ITGAV: variants seen among roughly 807,000 people sequenced by gnomAD.
ITGAV encodes integrin subunit alpha V, also known as integrin alpha-V.
A neutral mutation model predicts 143.8 loss-of-function variants in ITGAV; 76 were observed. That is an observed-to-expected ratio of 0.53 (90% CI 0.44 to 0.64). ITGAV has a LOEUF of 0.64. ITGAV is among the 30% of genes least tolerant of loss of function. The probability of loss-of-function intolerance (pLI) is 0.00; values close to 1 mark genes in which losing one functional copy is unlikely to be tolerated. For synonymous variants in ITGAV, 453 were observed against 446.7 expected (o/e 1.01, Z -0.18); for missense variants, 1,193 against 1,274.7 (o/e 0.94, Z 0.98).
intron 2 of ITGAV, among the ~76,000 whole-genome samples, chr2:186,620,091 T>C (rs982859084): frequency 1.3e-5 from 2 of 152,196 alleles, no homozygotes; most frequent in African/African-American, 4.8e-5. Flanking sequence ...TCTTAAAAAA[T>C]TCAAGATTAC....
At chr2:186,642,942 C>G (rs1688149582) in intron 12 of ITGAV, among the ~76,000 whole-genome samples, 4 of 152,052 alleles carry the variant, frequency 2.6e-5, no homozygotes, top group South Asian at 4.1e-4. Context: ...TCAAATGGAG[C>G]TATGGTATGA....
At chr2:186,624,902 A>G (rs181672598) in intron 3 of ITGAV, among the ~76,000 whole-genome samples, 34 of 152,184 alleles carry the variant, frequency 2.2e-4, no homozygotes, top group African/African-American at 7.7e-4. Context: ...AGCATAGCAT[A>G]TTACATCAAG....
At chr2:186,612,412 C>G (rs922677001) in intron 2 of ITGAV, among the ~76,000 whole-genome samples, 17 of 151,254 alleles carry the variant, frequency 1.1e-4, no homozygotes, top group Non-Finnish European at 2.1e-4. Context: ...CTTTATATTC[C>G]AAATACAGTG....
At chr2:186,637,789 G>A (rs1687988618) in intron 8 of ITGAV, among the ~76,000 whole-genome samples, 1 of 152,098 alleles carries the variant, frequency 6.6e-6, no homozygotes, top group Non-Finnish European at 1.5e-5. Context: ...GGCATCCTTT[G>A]TTACCTTCTG....
chr2:186,625,887 G>T (rs968637955), intron 4 of ITGAV, among the ~76,000 whole-genome samples: 1 of 152,046 alleles, frequency 6.6e-6, no homozygotes, highest in Admixed American at 6.6e-5. Flanking sequence ...AAGATGCTTA[G>T]TTGAACTTCT....
chr2:186,603,457 GT>G (rs146157585), intron 2 of ITGAV, among the ~76,000 whole-genome samples: 38 of 148,526 alleles, frequency 2.6e-4, no homozygotes, highest in Non-Finnish European at 4.5e-4. Context: ...TGTTTTCAGG[GT>G]TTTTTTTTTC....
chr2:186,631,610 C>T (rs534747681), intron 5 of ITGAV, among the ~76,000 whole-genome samples: 1 of 152,162 alleles, frequency 6.6e-6, no homozygotes, highest in Admixed American at 6.5e-5. Context: ...ATATGTAGAC[C>T]TTCCTTAGAA....
At chr2:186,606,138 A>G (rs956886311) in intron 2 of ITGAV, among the ~76,000 whole-genome samples, 2 of 152,248 alleles carry the variant, frequency 1.3e-5, no homozygotes, top group African/African-American at 4.8e-5. Context: ...CTTATAGCTT[A>G]TCGCATCCTG....
At chr2:186,656,467 T>C (rs1688590352) in intron 17 of ITGAV, 66 bp downstream of exon 17, 3 of 1,181,718 alleles carry the variant, frequency 2.5e-6, no homozygotes, top group African/African-American at 3.2e-5. Context: ...TCTAAATGAT[T>C]TTCACTTTCT....
intron 1 of ITGAV, among the ~76,000 whole-genome samples, chr2:186,596,056 G>A (rs375881162): frequency 2.6e-5 from 4 of 152,226 alleles, no homozygotes; most frequent in South Asian, 4.1e-4. Context: ...CTTATTAATG[G>A]CATCAATTGT....
chr2:186,647,339 C>T (rs879335504), intron 13 of ITGAV, among the ~76,000 whole-genome samples: 4 of 151,638 alleles, frequency 2.6e-5, no homozygotes, highest in Non-Finnish European at 5.9e-5. Context: ...GGGCTCAAGC[C>T]ATCCTCCCAC....
chr2:186,616,419 C>A (rs532292266), intron 2 of ITGAV, among the ~76,000 whole-genome samples: 2 of 151,226 alleles, frequency 1.3e-5, no homozygotes, highest in Admixed American at 6.6e-5. Flanking sequence ...GCTGGGACTA[C>A]AGGCGCCCGC....
At chr2:186,596,831 A>T (rs1445062862) in intron 1 of ITGAV, among the ~76,000 whole-genome samples, 1 of 152,130 alleles carries the variant, frequency 6.6e-6, no homozygotes, top group Non-Finnish European at 1.5e-5. Flanking sequence ...AGGTCATTTT[A>T]CTTTCTCTAT....
chr2:186,628,772 AT>A (rs1420825184), intron 4 of ITGAV, among the ~76,000 whole-genome samples: 6 of 151,956 alleles, frequency 3.9e-5, no homozygotes, highest in African/African-American at 1.4e-4. Flanking sequence ...TTGAACATAG[AT>A]TTTTCTCAGT....
intron 8 of ITGAV, among the ~76,000 whole-genome samples, chr2:186,637,648 C>G (rs1462097118): frequency 6.6e-6 from 1 of 152,194 alleles, no homozygotes; most frequent in Admixed American, 6.5e-5. Context: ...GACAGCTACA[C>G]TTGGCTTCAG....
intron 26 of ITGAV, among the ~76,000 whole-genome samples, chr2:186,674,719 C>T (rs555745149): frequency 1.3e-5 from 2 of 151,976 alleles, no homozygotes; most frequent in East Asian, 3.9e-4. Flanking sequence ...ACCATGTTGG[C>T]CAGGCTGGTC....
At chr2:186,625,674 T>G (rs1223644946) in intron 4 of ITGAV, 87 bp downstream of exon 4, 1 of 574,746 alleles carries the variant, frequency 1.7e-6, no homozygotes, top group South Asian at 2.3e-5. Flanking sequence ...TGTGTGTGTG[T>G]GTGTGAGAGA....
chr2:186,604,374 A>C (rs1460110816), intron 2 of ITGAV, among the ~76,000 whole-genome samples: 2 of 152,204 alleles, frequency 1.3e-5, no homozygotes, highest in Admixed American at 1.3e-4. Flanking sequence ...ATTCTATTGT[A>C]TATGTGTACT....
At position 186,646,873 on chromosome 2, in the gene ITGAV, T is replaced by G; in HGVS notation, c.1347T>G (p.Tyr449Ter). The G allele has an allele frequency of 6.3e-7, 1 of 1,575,706 alleles. No individual in the cohort carries two copies. The highest frequency in any genetic ancestry group is 8.7e-7 in the Non-Finnish European group (1 of 1,154,778). Residue 449 changes from tyrosine to a stop codon, truncating the protein, a stop_gained, in exon 13 of 30, where the codon TAT becomes TAG. Transcript: ENST00000261023. LOFTEE classifies it high-confidence loss of function. ...KGATDIDKNG[Y>*]PDLIVGAFGV... ...CCACAGATATAGACAAAAATGGATA[T>G]CCAGGTGCTTTCTTATCAACACATA...
Sources: gnomAD v4.1 joint callset for allele counts (sites outside exome capture counted in the v4.1 genomes callset) on GRCh38, gnomAD v4.1.1 for gene constraint, MANE v1.5 for transcripts, NCBI Gene and HGNC (gene_info 2026-07-23, HGNC 2026-07-21) for gene names.